EFHC2: variants seen among roughly 807,000 people sequenced by gnomAD.
EFHC2 encodes EF-hand domain containing 2.
Under a neutral mutation model 52.7 loss-of-function variants are expected in EFHC2, and 18 were observed. The ratio of observed to expected loss-of-function variants is 0.34; its 90% CI spans 0.24 to 0.51. The LOEUF (loss-of-function observed/expected upper bound fraction) is 0.51, where lower values mean the gene tolerates loss of function less well. Among genes scored for constraint, EFHC2 ranks in the 20% least tolerant of loss-of-function variants. The pLI is 0.97. For synonymous variants in EFHC2, 203 were observed against 204.1 expected, an observed-to-expected ratio of 0.99 and a Z score of 0.04; for missense variants, 513 against 562.5, an observed-to-expected ratio of 0.91 and a Z score of 0.89.
At chrX:44,273,502 C>G (rs1165440115) in intron 2 of EFHC2, among the ~76,000 whole-genome samples, 1 of 112,283 alleles carries the variant, frequency 8.9e-6, no homozygotes, top group African/African-American at 3.2e-5. Flanking sequence ...AATTCCTTAA[C>G]TACTTTAGAA....
At chrX:44,261,518 G>A (rs916979207) in intron 3 of EFHC2, among the ~76,000 whole-genome samples, 1 of 110,659 alleles carries the variant, frequency 9.0e-6, no homozygotes, top group Non-Finnish European at 1.9e-5. Context: ...TGTGGTTAGA[G>A]TTGCCTAAGT....
At chrX:44,162,880 C>T (rs1235544589) in intron 14 of EFHC2, among the ~76,000 whole-genome samples, 1 of 111,527 alleles carries the variant, frequency 9.0e-6, no homozygotes, top group Admixed American at 9.5e-5. Flanking sequence ...AGTAGTGGGC[C>T]CCTCAAAGGT....
intron 11 of EFHC2, among the ~76,000 whole-genome samples, chrX:44,194,755 G>A (rs996623654): frequency 9.0e-6 from 1 of 111,531 alleles, no homozygotes; most frequent in Non-Finnish European, 1.9e-5. Flanking sequence ...GCCACTTCAG[G>A]GGCCCAGCCA....
At chrX:44,338,913 A>C (rs1385859909) in intron 1 of EFHC2, among the ~76,000 whole-genome samples, 1 of 111,817 alleles carries the variant, frequency 8.9e-6, no homozygotes, top group Non-Finnish European at 1.9e-5. Context: ...AAGAGCGGCC[A>C]GGCGCGGTGG....
chrX:44,317,124 C>A (rs772395421), intron 1 of EFHC2, among the ~76,000 whole-genome samples: 2 of 112,011 alleles, frequency 1.8e-5, no homozygotes, highest in East Asian at 5.6e-4. Flanking sequence ...GCAAAGGCAG[C>A]CCCCCTGAGC....
rs916979748 is a variant in EFHC2, at chrX:44,148,512, G to T, written c.*283C>A. 4 of 235,866 alleles carry T rather than the reference G, an allele frequency of 1.7e-5. No homozygotes were observed. The East Asian group carries it at 4.1e-4, about 24-fold the overall frequency. 19.4% of individuals were successfully genotyped at this position (235,866 alleles called of 1,213,427 possible). On this transcript the variant is annotated 3_prime_UTR_variant, in exon 15 of 15. Coordinates refer to ENST00000420999, the MANE Select transcript of EFHC2 (RefSeq NM_025184.4). ...ATATAGTAATGAATCAAATTATGTT[G>T]GATCAAAAATTATCAGAAGATTTTT...
At chrX:44,292,234 ATGTATG>A (rs1424978224) in intron 2 of EFHC2, among the ~76,000 whole-genome samples, 1 of 111,105 alleles carries the variant, frequency 9.0e-6, no homozygotes, top group Non-Finnish European at 1.9e-5. Flanking sequence ...AGAAACACAT[ATGTATG>A]TACATATGTA....
intron 8 of EFHC2, 26 bp from the exon 9 acceptor site, chrX:44,235,473 G>C (rs189721797): frequency 2.5e-5 from 29 of 1,158,139 alleles, no homozygotes. Context: ...ATGAGAGTTA[G>C]AGCATTATAC....
intron 11 of EFHC2, among the ~76,000 whole-genome samples, chrX:44,221,613 C>A (rs779430519): frequency 7.2e-5 from 8 of 111,382 alleles, no homozygotes; most frequent in African/African-American, 2.3e-4. Flanking sequence ...TCTTGATGAA[C>A]CTTCATAATC....
chrX:44,182,254 C>T (rs1569278331), intron 11 of EFHC2, among the ~76,000 whole-genome samples: 1 of 112,485 alleles, frequency 8.9e-6, no homozygotes, highest in East Asian at 2.8e-4. Context: ...AGGACTTCAT[C>T]GTTTTTCACG....
At chrX:44,307,948 A>AT (rs1477620218) in intron 2 of EFHC2, among the ~76,000 whole-genome samples, 44 of 104,003 alleles carry the variant, frequency 4.2e-4, no homozygotes, top group South Asian at 1.7e-3. Flanking sequence ...AAAAAAAAAA[A>AT]TTTTGTTTCG....
chrX:44,293,410 C>CT (rs1045237157), intron 2 of EFHC2, among the ~76,000 whole-genome samples: 2 of 110,746 alleles, frequency 1.8e-5, no homozygotes, highest in East Asian at 2.8e-4. Context: ...TCTATAGGCA[C>CT]TTTTTTTTAC....
At chrX:44,185,847 G>A (rs983528975) in intron 11 of EFHC2, among the ~76,000 whole-genome samples, 3 of 111,567 alleles carry the variant, frequency 2.7e-5, no homozygotes, top group African/African-American at 9.8e-5. Context: ...AAATCCTTTT[G>A]AAACTAAATA....
chrX:44,233,537 T>C (rs1569290022), intron 9 of EFHC2, among the ~76,000 whole-genome samples: 2 of 111,589 alleles, frequency 1.8e-5, no homozygotes, highest in East Asian at 5.6e-4. Flanking sequence ...GACCTATAAA[T>C]ATAGCCTGAG....
At chrX:44,181,492 T>C (rs1173981622) in intron 11 of EFHC2, among the ~76,000 whole-genome samples, 2 of 112,163 alleles carry the variant, frequency 1.8e-5, no homozygotes, top group Non-Finnish European at 3.8e-5. Context: ...ACTAAACTTA[T>C]TATAGCACCA....
chrX:44,225,009 C>A (rs1265573583), intron 11 of EFHC2, among the ~76,000 whole-genome samples: 1 of 111,302 alleles, frequency 9.0e-6, no homozygotes, highest in Non-Finnish European at 1.9e-5. Flanking sequence ...AAATACTAGC[C>A]CTGCCAAGCT....
At chrX:44,328,456 A>T (rs1054796904) in intron 1 of EFHC2, among the ~76,000 whole-genome samples, 5 of 111,348 alleles carry the variant, frequency 4.5e-5, no homozygotes, top group African/African-American at 1.6e-4. Context: ...TAGGGTCTGG[A>T]GGCAGGGAAC....
chrX:44,279,312 C>T (rs1602193658), intron 2 of EFHC2, among the ~76,000 whole-genome samples: 1 of 111,942 alleles, frequency 8.9e-6, no homozygotes, highest in Middle Eastern at 4.6e-3. Context: ...CCACTGCACT[C>T]CAGCCTGGGC....
At chrX:44,335,212 A>G (rs1335547105) in intron 1 of EFHC2, among the ~76,000 whole-genome samples, 2 of 110,709 alleles carry the variant, frequency 1.8e-5, no homozygotes, top group Non-Finnish European at 3.8e-5. Flanking sequence ...TAAAAAAAAA[A>G]GAAAGAAGAG....
Sources: gnomAD v4.1 joint callset for allele counts (sites outside exome capture counted in the v4.1 genomes callset) on GRCh38, gnomAD v4.1.1 for gene constraint, MANE v1.5 for transcripts, NCBI Gene and HGNC (gene_info 2026-07-23, HGNC 2026-07-21) for gene names.